Variants in PXK observed in about 807,000 individuals in gnomAD.
The protein encoded by PXK is PX domain containing serine/threonine kinase like.
Under a neutral mutation model 84.7 loss-of-function variants are expected in PXK, and 35 were observed. The ratio of observed to expected loss-of-function variants is 0.41; its 90% CI spans 0.32 to 0.55. The LOEUF (loss-of-function observed/expected upper bound fraction) is 0.55, where lower values mean the gene tolerates loss of function less well. Among genes scored for constraint, PXK ranks in the 20% least tolerant of loss-of-function variants. The probability of loss-of-function intolerance (pLI) is 0.21; values close to 1 mark genes in which losing one functional copy is unlikely to be tolerated. For missense variants in PXK, 634 were observed against 699.7 expected (o/e 0.91, Z 1.06); for synonymous variants, 253 against 260.8 (o/e 0.97, Z 0.29).
At position 58,420,616 on chromosome 3, in the gene PXK, C is replaced by G. The variant is rs1429481614; in HGVS notation, c.1529-4136C>G. On this transcript the variant is annotated intron_variant, in intron 17 of 17. Coordinates refer to ENST00000356151, the MANE Select transcript of PXK (RefSeq NM_017771.5). Reference sequence around the variant, plus strand: ...CTCAGACTTTAAAGATGCTCTGTTTCTGTGTGTGAAATAGGACCCAAAGTG... The same window carrying G: ...CTCAGACTTTAAAGATGCTCTGTTTGTGTGTGTGAAATAGGACCCAAAGTG... 4.6e-6 allele frequency: 7 copies of G among 1,535,750 alleles called. No individual in the cohort carries two copies. The Admixed American group carries it at 5.9e-5, about 13-fold the overall frequency.
chr3:58,360,598 A>G (rs969589406), intron 1 of PXK, among the ~76,000 whole-genome samples: 4 of 152,016 alleles, frequency 2.6e-5, no homozygotes, highest in Non-Finnish European at 5.9e-5. Flanking sequence ...CTGTAATCCC[A>G]GGGTGGGCAG....
At chr3:58,336,069 ATATTTT>A (rs1188847963) in intron 1 of PXK, among the ~76,000 whole-genome samples, 58 of 56,592 alleles carry the variant, frequency 1.0e-3, no homozygotes, top group African/African-American at 4.1e-3. Flanking sequence ...ATATATATAT[ATATTTT>A]TTTTTTTTTT....
At position 58,399,201 on chromosome 3, in the gene PXK, C is replaced by T. The variant is rs2058187617; in HGVS notation, c.1103-98C>T. ...ATTTTTGACACTGTCCTGATCAGCC[C>T]GCAGACAGTTATTGCAAAGTGGTGT... On this transcript the variant is annotated intron_variant, in intron 11 of 17. Transcript: ENST00000356151. This position sits in a 1 kb window ranked among gnomAD's most constrained non-coding sequence, Gnocchi z 4.3. The T allele has an allele frequency of 6.7e-6, 7 of 1,040,874 alleles. No homozygotes were observed. The highest frequency in any genetic ancestry group is 6.6e-5 in the South Asian group (5 of 75,270). The allele number at this position is 1,040,874 out of a possible 1,614,324, so 64.5% of individuals were successfully genotyped here.
At chr3:58,375,852 A>C (rs2098437752) in intron 3 of PXK, among the ~76,000 whole-genome samples, 1 of 152,240 alleles carries the variant, frequency 6.6e-6, no homozygotes, top group Non-Finnish European at 1.5e-5. Flanking sequence ...ATAATTGCTT[A>C]AGTAATTTTC....
intron 1 of PXK, among the ~76,000 whole-genome samples, chr3:58,349,866 T>G (rs911153280): frequency 6.6e-6 from 1 of 152,186 alleles, no homozygotes; most frequent in Non-Finnish European, 1.5e-5. Context: ...TTCAAACTGC[T>G]GAACTGGTTG....
Position 58,395,118 on chromosome 3 carries a change from C to A in PXK, c.720+16C>A. On this transcript the variant is annotated intron_variant, in intron 8 of 17. Transcript: ENST00000356151. ...GATCTACAAGGTACCTGTGCAAGTT[C>A]ATGGTCATAAGGAATTCTCAAGTTC... The A allele has an allele frequency of 6.4e-7, 1 of 1,568,586 alleles. No individual in the cohort carries two copies. Among genetic ancestry groups the A allele is most frequent in the Non-Finnish European group, 8.8e-7 (1 of 1,139,740 alleles).
intron 1 of PXK, among the ~76,000 whole-genome samples, chr3:58,345,014 A>G (rs1477513474): frequency 6.6e-6 from 1 of 152,244 alleles, no homozygotes; most frequent in Admixed American, 6.5e-5. Context: ...TCTCAGGAAC[A>G]TTAACAGATA....
chr3:58,399,272 C>G lies in PXK; in HGVS notation c.1103-27C>G. 1 of 1,607,374 alleles carries G rather than the reference C, an allele frequency of 6.2e-7. No individual in the cohort carries two copies. The highest frequency in any genetic ancestry group is 8.5e-7 in the Non-Finnish European group (1 of 1,173,874). On this transcript the variant is annotated intron_variant, in intron 11 of 17. Coordinates refer to ENST00000356151, the MANE Select transcript of PXK (RefSeq NM_017771.5). The surrounding 1 kb of genome is among the most constrained non-coding windows in gnomAD (Gnocchi z 4.3). ...GGATTTGCCAGCGTGTTCTGTGGAA[C>G]TAAAATGTGTATCTGTTCATTTCAA...
chr3:58,415,323 A>G (rs1560132528), intron 17 of PXK, among the ~76,000 whole-genome samples: 1 of 152,246 alleles, frequency 6.6e-6, no homozygotes, highest in Non-Finnish European at 1.5e-5. Flanking sequence ...ACCATTTGCA[A>G]GGATGGGACT....
At chr3:58,360,895 G>T (rs908597483) in intron 1 of PXK, among the ~76,000 whole-genome samples, 1 of 151,780 alleles carries the variant, frequency 6.6e-6, no homozygotes, top group African/African-American at 2.4e-5. Context: ...CATTCTTTAT[G>T]ATTTAATTTA....
rs71091375 is a variant in PXK at position 58,378,512 on chromosome 3, T to TTGTG, written c.202-3963_202-3960dup. ...TTCTTCTTTTTTTTTTTTTTTTTTT[T>TTGTG]TGTGTGTGTGTGTGTGTGTGTGTGT... On this transcript the variant is annotated intron_variant, in intron 3 of 17. Transcript: ENST00000356151. Among the ~76,000 whole-genome samples the TTGTG allele has an allele frequency of 4.9e-3, 140 of 28,604 alleles. 1 individual carries two copies. The highest frequency in any genetic ancestry group is 0.036 in the East Asian group (5 of 140). 18.8% of individuals were successfully genotyped at this position (28,604 alleles called of 152,430 possible). A position where few individuals can be genotyped will look rare whatever the true frequency, so the allele number is the denominator to read the frequency against.
intron 17 of PXK, chr3:58,413,291 G>A (rs965914382): frequency 2.8e-5 from 9 of 320,990 alleles, no homozygotes; most frequent in African/African-American, 1.3e-4. Flanking sequence ...ACACAAATGC[G>A]CCGTGGCCCA....
Position 58,424,859 on chromosome 3 carries a change from G to C in PXK, c.1636G>C (p.Gly546Arg), listed in dbSNP as rs969307773. 1 of 1,614,220 alleles carries C rather than the reference G, an allele frequency of 6.2e-7. No individual in the cohort carries two copies. Among genetic ancestry groups the C allele is most frequent in the Non-Finnish European group, 8.5e-7 (1 of 1,180,038 alleles). ...PAQLSSQAVN[G>R]MSRGALLSSI... ...CCAGCTCTCGTCTCAGGCTGTGAAT[G>C]GCATGAGCCGAGGGGCCTTGCTCAG... Residue 546 changes from glycine to arginine, a missense_variant, in exon 18 of 18, where the codon GGC becomes CGC. Around this residue, in one of 3 missense-constraint regions of PXK, gnomAD observed 273 missense variants for 283.6 expected, o/e 0.96. Transcript: ENST00000356151.
chr3:58,402,732 A>C (rs1236812752), intron 12 of PXK, among the ~76,000 whole-genome samples: 1 of 147,144 alleles, frequency 6.8e-6, no homozygotes, highest in Non-Finnish European at 1.5e-5. Flanking sequence ...CACCCGGCCC[A>C]TGCTATTGTT....
intron 1 of PXK, among the ~76,000 whole-genome samples, chr3:58,346,059 G>A (rs1324890797): frequency 6.6e-6 from 1 of 152,166 alleles, no homozygotes; most frequent in Non-Finnish European, 1.5e-5. Flanking sequence ...TAGGCACTTG[G>A]GGTACAGGTC....
chr3:58,410,231 G>C (rs1194110487), intron 16 of PXK, 72 bp downstream of exon 16: 5 of 1,161,000 alleles, frequency 4.3e-6, no homozygotes, highest in South Asian at 1.3e-5. Flanking sequence ...TTGGTCAAGA[G>C]GTCTTGAGTT....
At position 58,368,568 on chromosome 3, in the gene PXK, C is replaced by A. The variant is rs1009051057; in HGVS notation, c.154-863C>A. ...AACTCCTGGCCTCAGGTGATCCACC[C>A]GCCTTAGCCTCCCAAAGTGCTGGGA... On this transcript the variant is annotated intron_variant, in intron 2 of 17. Coordinates refer to ENST00000356151, the MANE Select transcript of PXK (RefSeq NM_017771.5). Among the ~76,000 whole-genome samples, 4 of 150,282 alleles carry A rather than the reference C, an allele frequency of 2.7e-5. 1 individual carries two copies. The South Asian group carries it at 8.4e-4, about 32-fold the overall frequency.
intron 13 of PXK, 71 bp from the exon 14 acceptor site, chr3:58,408,853 A>G (rs570986665): frequency 1.7e-6 from 2 of 1,205,902 alleles, no homozygotes; most frequent in African/African-American, 3.0e-5. Context: ...CTGCTCCTTC[A>G]TTTACTCCAG....
chr3:58,390,699 C>G lies in PXK; in HGVS notation c.466+40C>G, dbSNP rs751151381. The G allele has an allele frequency of 1.9e-6, 3 of 1,556,806 alleles. No individual in the cohort carries two copies. Among genetic ancestry groups the G allele is most frequent in the Non-Finnish European group, 2.6e-6 (3 of 1,134,560 alleles). On this transcript the variant is annotated intron_variant, in intron 5 of 17. Coordinates refer to ENST00000356151, the MANE Select transcript of PXK (RefSeq NM_017771.5). This position sits in a 1 kb window ranked among gnomAD's most constrained non-coding sequence, Gnocchi z 4.2. The stretch of plus-strand genomic sequence containing the variant: ...CGCTCATTCTGTTAAAAAGACAGAT[C>G]ACAGAACTGGATCCTTAGTCATGCT...
Sources: gnomAD v4.1 joint callset for allele counts (sites outside exome capture counted in the v4.1 genomes callset) on GRCh38, gnomAD v4.1.1 for gene constraint, gnomAD v4.1.1 regional missense constraint, Gnocchi (gnomAD v3.1) non-coding constraint, MANE v1.5 for transcripts, NCBI Gene and HGNC (gene_info 2026-07-23, HGNC 2026-07-21) for gene names.